The following HEATR5B variants were observed in gnomAD, a reference collection of about 807,000 sequenced individuals.
HEATR5B encodes HEAT repeat containing 5B.
In HEATR5B, 156 loss-of-function variants were observed where a neutral mutation model predicts 224.1. That is an observed-to-expected ratio of 0.70 (90% CI 0.61 to 0.80). The LOEUF is 0.80. Ranked by LOEUF, HEATR5B falls within the 30% of genes least tolerant of loss-of-function variation. HEATR5B has a pLI of 0.00. For synonymous variants in HEATR5B, 1,027 were observed against 893.0 expected (o/e 1.15, Z -2.68); for missense variants, 2,323 against 2,535.5 (o/e 0.92, Z 1.80).
At chr2:37,081,170 G>A (rs914497824) in intron 2 of HEATR5B, among the ~76,000 whole-genome samples, 2 of 152,096 alleles carry the variant, frequency 1.3e-5, no homozygotes, top group Non-Finnish European at 2.9e-5. Context: ...CAGTTGTAGA[G>A]GATTTAAGAG....
intron 8 of HEATR5B, 76 bp downstream of exon 8, chr2:37,068,605 T>C (rs1053898152): frequency 3.0e-5 from 44 of 1,458,630 alleles, no homozygotes; most frequent in Middle Eastern, 2.0e-4. Flanking sequence ...ATCAGTCTTA[T>C]GGATATTTAT....
chr2:37,051,885 A>C (rs1050771292), intron 17 of HEATR5B, among the ~76,000 whole-genome samples: 3 of 151,964 alleles, frequency 2.0e-5, no homozygotes, highest in East Asian at 3.9e-4. Context: ...GATTACAGGC[A>C]CCTGACACCA....
At chr2:36,999,737 G>A (rs1356231974) in intron 33 of HEATR5B, among the ~76,000 whole-genome samples, 1 of 151,774 alleles carries the variant, frequency 6.6e-6, no homozygotes, top group Admixed American at 6.6e-5. Flanking sequence ...TCCCGGCCGG[G>A]TGCGGTAGCT....
At chr2:37,031,665 A>G (rs75070308) in intron 22 of HEATR5B, among the ~76,000 whole-genome samples, 5,169 of 152,110 alleles carry the variant, frequency 0.034, 121 homozygotes, top group Non-Finnish European at 0.052. Context: ...TTTTTATAAT[A>G]AACTTCTTTA....
rs764521543 is a variant in HEATR5B, at chr2:37,002,493, A to T, written c.5130T>A (p.Ser1710=). The T allele has an allele frequency of 6.2e-7, 1 of 1,614,092 alleles. No homozygotes were observed. The highest frequency in any genetic ancestry group is 8.5e-7 in the Non-Finnish European group (1 of 1,180,020). ...GCAGCTCCATAGTTGCAAACACAAG[A>T]GATTTTCCAGGAATGAGACCACCGC... ...GDSGGLIPGK[S]LVFATMELLM... is the part of the protein sequence containing the mutation. The change falls in exon 32 of 36, where the codon TCT becomes TCA. Residue 1710 remains serine (S), a synonymous_variant. Coordinates refer to ENST00000233099, the MANE Select transcript of HEATR5B (RefSeq NM_019024.3).
rs1308022849 is a variant in HEATR5B, at chr2:37,058,569, T to C, written c.1950-9A>G. 5 of 1,573,262 alleles carry C rather than the reference T, an allele frequency of 3.2e-6. No individual in the cohort carries two copies. Among genetic ancestry groups the C allele is most frequent in the South Asian group, 1.1e-5 (1 of 89,854 alleles). ...TCATTACAGATGGAATGCTAAAATA[T>C]CAAAAACATAGTTGGTAATGGCTTA... On this transcript the variant is annotated splice_polypyrimidine_tract_variant and intron_variant, in intron 13 of 35. Coordinates refer to ENST00000233099, the MANE Select transcript of HEATR5B (RefSeq NM_019024.3).
At chr2:37,064,268 T>C (rs898040779) in intron 10 of HEATR5B, among the ~76,000 whole-genome samples, 1 of 150,478 alleles carries the variant, frequency 6.6e-6, no homozygotes, top group Admixed American at 6.6e-5. Context: ...AATTACTATA[T>C]CTAAGGTTGG....
chr2:37,048,195 T>C (rs1449926579), intron 18 of HEATR5B, among the ~76,000 whole-genome samples: 1 of 151,518 alleles, frequency 6.6e-6, no homozygotes, highest in Non-Finnish European at 1.5e-5. Context: ...ATTGTTTTTT[T>C]TTTTTTTGAG....
chr2:37,047,487 T>C (rs1015588839), intron 18 of HEATR5B, among the ~76,000 whole-genome samples: 2 of 152,230 alleles, frequency 1.3e-5, no homozygotes, highest in African/African-American at 4.8e-5. Flanking sequence ...GATAATCATC[T>C]CTTCACAGTA....
rs748163809 is a variant in HEATR5B, at chr2:37,002,548, G to C, written c.5075C>G (p.Ala1692Gly). ...TLNEDDMEKE[A>G]CTVLGEGGDS... ...ACCTCCTTCTCCCAATACGGTACAGGCCTCTTTTTCCATATCATCTTCATC... is the reference window on the plus strand; with the variant it reads ...ACCTCCTTCTCCCAATACGGTACAGCCCTCTTTTTCCATATCATCTTCATC... The change falls in exon 32 of 36, where the codon GCC becomes GGC. Residue 1692 changes from alanine (A) to glycine (G), a missense_variant. This residue lies in a region of HEATR5B where 844 missense variants were observed against 812.9 expected (regional missense o/e 1.04). Coordinates refer to ENST00000233099, the MANE Select transcript of HEATR5B (RefSeq NM_019024.3). The C allele has an allele frequency of 2.5e-6, 4 of 1,613,854 alleles. No individual in the cohort carries two copies. Among genetic ancestry groups the C allele is most frequent in the Non-Finnish European group, 2.5e-6 (3 of 1,179,962 alleles).
At position 37,037,880 on chromosome 2, in the gene HEATR5B, AGATT is replaced by A. The variant is rs775101888; in HGVS notation, c.3187_3190del (p.Asn1063TyrfsTer43). On this transcript the variant is annotated frameshift_variant, in exon 21 of 36. Transcript: ENST00000233099. LOFTEE classifies it high-confidence loss of function. ...ACAAAGGCTAGGAACAAGGCTAGATAGATTGACATGTCGTGGTGCAAACATGTGA... is the reference window on the plus strand; with the variant it reads ...ACAAAGGCTAGGAACAAGGCTAGATAGACATGTCGTGGTGCAAACATGTGA... The A allele has an allele frequency of 6.3e-6, 10 of 1,590,338 alleles. No individual in the cohort carries two copies. Among genetic ancestry groups the A allele is most frequent in the Non-Finnish European group, 8.6e-6 (10 of 1,166,186 alleles).
At chr2:37,053,679 A>T (rs1373307644) in intron 16 of HEATR5B, 72 bp from the exon 17 acceptor site, 15 of 817,016 alleles carry the variant, frequency 1.8e-5, no homozygotes, top group Non-Finnish European at 2.6e-5. Context: ...ACGGATAAGA[A>T]GAGTACAAGT....
chr2:36,988,847 A>C lies in HEATR5B; in HGVS notation c.5710T>G (p.Cys1904Gly). 1 of 1,613,924 alleles carries C rather than the reference A, an allele frequency of 6.2e-7. No individual in the cohort carries two copies. The highest frequency in any genetic ancestry group is 8.5e-7 in the Non-Finnish European group (1 of 1,179,808). Residue 1904 changes from cysteine (C) to glycine (G), a missense_variant, in exon 35 of 36, where the codon TGT becomes GGT. Coordinates refer to ENST00000233099, the MANE Select transcript of HEATR5B (RefSeq NM_019024.3). ...NSCDPWVQAK[C>G]YQLLLSVFQH... ...AAGACTGAGAGGAGAAGCTGGTAAC[A>C]TTTGGCTTGAACCTATATAAGAAGA...
At position 37,049,743 on chromosome 2, in the gene HEATR5B, C is replaced by T. The variant is rs544371006; in HGVS notation, c.2606G>A (p.Arg869His). 37 of 1,611,718 alleles carry T rather than the reference C, an allele frequency of 2.3e-5. No homozygotes were observed. Among genetic ancestry groups the T allele is most frequent in the Non-Finnish European group, 2.9e-5 (34 of 1,179,598 alleles). The change falls in exon 18 of 36, where the codon CGT becomes CAT. Residue 869 changes from arginine (R) to histidine (H), a missense_variant. By Grantham distance (29) the Arg-to-His change is conservative (BLOSUM62 0). Around this residue, in one of 12 missense-constraint regions of HEATR5B, gnomAD observed 170 missense variants for 216.7 expected, o/e 0.78. Transcript: ENST00000233099. ...GPLDNPNPIL[R>H]CAAGEALGRM... The stretch of plus-strand genomic sequence containing the variant: ...TCCAAGAGCTTCCCCCGCTGCACAA[C>T]GTAAGATGGGGTTTGGGTTGTCCAG...
intron 6 of HEATR5B, 81 bp from the exon 7 acceptor site, chr2:37,070,468 G>A: frequency 8.9e-7 from 1 of 1,120,806 alleles, no homozygotes; most frequent in Non-Finnish European, 1.3e-6. Context: ...TTATTTTTAA[G>A]GACACTTTAC....
intron 18 of HEATR5B, among the ~76,000 whole-genome samples, chr2:37,049,325 A>G (rs1310621016): frequency 1.3e-5 from 2 of 152,200 alleles, no homozygotes; most frequent in Non-Finnish European, 2.9e-5. Context: ...AAGGAAAGGG[A>G]GGGAGGAGAG....
At chr2:36,984,218 ATAT>A (rs1665790980) in intron 35 of HEATR5B, among the ~76,000 whole-genome samples, 4 of 97,276 alleles carry the variant, frequency 4.1e-5, no homozygotes, top group Non-Finnish European at 4.3e-5. Context: ...AAAAAAAAAT[ATAT>A]ATATATATAT....
chr2:36,987,420 CAA>C (rs369088419), intron 35 of HEATR5B, among the ~76,000 whole-genome samples: 12 of 112,922 alleles, frequency 1.1e-4, no homozygotes, highest in Non-Finnish European at 1.3e-4. Flanking sequence ...GACTTTGTTT[CAA>C]AAAAAAAAAA....
At chr2:37,027,794 G>C (rs1668873460) in intron 24 of HEATR5B, 129 bp downstream of exon 24, 1 of 910,760 alleles carries the variant, frequency 1.1e-6, no homozygotes, top group South Asian at 1.7e-5. Flanking sequence ...TGAAAGGCAA[G>C]AGAACTTACA....
Sources: gnomAD v4.1 joint callset for allele counts (sites outside exome capture counted in the v4.1 genomes callset) on GRCh38, gnomAD v4.1.1 for gene constraint, gnomAD v4.1.1 regional missense constraint, MANE v1.5 for transcripts, NCBI Gene and HGNC (gene_info 2026-07-23, HGNC 2026-07-21) for gene names.